Variants in ZNF583 observed in about 807,000 individuals in gnomAD.
ZNF583 encodes the protein zinc finger protein 583, also known as zinc finger protein L3-5.
A neutral mutation model predicts 55.3 loss-of-function variants in ZNF583; 30 were observed. The observed-to-expected ratio is 0.54, with a 90% CI of 0.41 to 0.74. ZNF583 has a LOEUF of 0.74. ZNF583 is among the 30% of genes least tolerant of loss of function. The probability of loss-of-function intolerance (pLI) is 0.00; values close to 1 mark genes in which losing one functional copy is unlikely to be tolerated. For synonymous variants in ZNF583, 208 were observed against 220.0 expected (o/e 0.95, Z 0.48); for missense variants, 504 against 664.7 (o/e 0.76, Z 2.66).
intron 2 of ZNF583, among the ~76,000 whole-genome samples, chr19:56,407,576 T>C (rs2042174728): frequency 6.6e-6 from 1 of 152,148 alleles, no homozygotes; most frequent in Non-Finnish European, 1.5e-5. Flanking sequence ...AAAGTGATCT[T>C]GAGGAGTGAG....
chr19:56,420,719 C>G (rs1381100897), intron 4 of ZNF583, among the ~76,000 whole-genome samples: 1 of 152,056 alleles, frequency 6.6e-6, no homozygotes, highest in African/African-American at 2.4e-5. Context: ...GTTAATCTAG[C>G]CTTATGCTTA....
chr19:56,422,632 A>C (rs1292151141), intron 4 of ZNF583, among the ~76,000 whole-genome samples: 1 of 152,140 alleles, frequency 6.6e-6, no homozygotes, highest in Admixed American at 6.6e-5. Context: ...TCTGTTATTA[A>C]CTTAGATATA....
chr19:56,407,040 G>T lies in ZNF583; in HGVS notation c.-75G>T. 2 of 1,567,856 alleles carry T rather than the reference G, an allele frequency of 1.3e-6. No homozygotes were observed. Among genetic ancestry groups the T allele is most frequent in the South Asian group, 2.3e-5 (2 of 87,558 alleles). Reference sequence around the variant, plus strand: ...TCCTTCTCCAGCTCGACTTTCTCAGGATACTGTCCCTCTCCCACAGAGGAG... The same window carrying T: ...TCCTTCTCCAGCTCGACTTTCTCAGTATACTGTCCCTCTCCCACAGAGGAG... On this transcript the variant is annotated 5_prime_UTR_variant, in exon 2 of 5. Coordinates refer to ENST00000333201, the MANE Select transcript of ZNF583 (RefSeq NM_152478.3).
In ZNF583 at chr19:56,423,018, A is replaced by C; in HGVS notation, c.360A>C (p.Glu120Asp). 4.3e-6 allele frequency: 7 copies of C among 1,614,028 alleles called. No homozygotes were observed. Among genetic ancestry groups the C allele is most frequent in the Non-Finnish European group, 5.9e-6 (7 of 1,179,940 alleles). Residue 120 changes from glutamate (E) to aspartate (D), a missense_variant, in exon 5 of 5, where the codon GAA (glutamate) becomes GAC (aspartate). This residue lies in a region of ZNF583 where 204 missense variants were observed against 235.2 expected (regional missense o/e 0.87). Transcript: ENST00000333201. ...GCCTTGACTATCCCAGTTTGAGAGA[A>C]GACTGTCAAAGTGAGGACTGGTATA... ...SYSLDYPSLREDCQSEDWYKN... is the reference protein window; with the variant it reads ...SYSLDYPSLRDDCQSEDWYKN...
rs140899242 is a variant in ZNF583, at chr19:56,406,819, G to A, written c.-89-207G>A. On this transcript the variant is annotated intron_variant, in intron 1 of 4. Coordinates refer to ENST00000333201, the MANE Select transcript of ZNF583 (RefSeq NM_152478.3). Reference sequence around the variant, plus strand: ...TGGGATTACAGGCGTGAGCCACCGCGCCTGGCCCGTATGTTGTATTCTTAA... The same window carrying A: ...TGGGATTACAGGCGTGAGCCACCGCACCTGGCCCGTATGTTGTATTCTTAA... Among the ~76,000 whole-genome samples, 323 of 152,278 alleles carry A rather than the reference G, an allele frequency of 2.1e-3. 1 individual carries two copies. The highest frequency in any genetic ancestry group is 0.014 in the Middle Eastern group (4 of 292).
chr19:56,414,536 C>A, intron 4 of ZNF583, 96 bp downstream of exon 4: 2 of 1,146,908 alleles, frequency 1.7e-6, no homozygotes, highest in Non-Finnish European at 1.3e-6. Context: ...TCCTGGGTAG[C>A]TCTTCTTAAA....
chr19:56,421,635 C>A, intron 4 of ZNF583: 1 of 357,992 alleles, frequency 2.8e-6, no homozygotes, highest in Non-Finnish European at 3.9e-6. Flanking sequence ...TTCATGCAAG[C>A]ATGTCATTCT....
At chr19:56,414,674 C>A in intron 4 of ZNF583, 1 of 437,222 alleles carries the variant, frequency 2.3e-6, no homozygotes, top group Non-Finnish European at 4.1e-6. Flanking sequence ...ACCCATTTTC[C>A]TATTGTTGGA....
intron 1 of ZNF583, 144 bp from the exon 2 acceptor site, chr19:56,406,882 A>G: frequency 2.0e-6 from 1 of 490,600 alleles, no homozygotes; most frequent in South Asian, 3.8e-5. Context: ...GTAAATTTAG[A>G]TATAAATGAA....
At position 56,404,341 on chromosome 19, in the gene ZNF583, G is replaced by A. The variant is rs1364997084; in HGVS notation, c.-201G>A. ...CCCTGCGGCCTGCCCTAGGGCTGCGGCGCCTTTGTGAGCGCGGCCGCCGGC... is the reference window on the plus strand; with the variant it reads ...CCCTGCGGCCTGCCCTAGGGCTGCGACGCCTTTGTGAGCGCGGCCGCCGGC... On this transcript the variant is annotated 5_prime_UTR_variant, in exon 1 of 5. Coordinates refer to ENST00000333201, the MANE Select transcript of ZNF583 (RefSeq NM_152478.3). This position sits in a 1 kb window ranked among gnomAD's most constrained non-coding sequence, Gnocchi z 5.2. 1 of 152,372 alleles carries A rather than the reference G, an allele frequency of 6.6e-6. No individual in the cohort carries two copies. Among genetic ancestry groups the A allele is most frequent in the South Asian group, 2.1e-4 (1 of 4,846 alleles). The allele number at this position is 152,372 out of a possible 1,614,324, so 9.4% of individuals were successfully genotyped here.
Position 56,427,196 on chromosome 19 carries a change from C to T in ZNF583, c.*2828C>T, listed in dbSNP as rs1007206789. ...AAGCCTTTGTATGTGAAAGTTATGTCAGTAGCCCTTGCCAAAAGCCTCCTC... is the reference window on the plus strand; with the variant it reads ...AAGCCTTTGTATGTGAAAGTTATGTTAGTAGCCCTTGCCAAAAGCCTCCTC... On this transcript the variant is annotated 3_prime_UTR_variant, in exon 5 of 5. Transcript: ENST00000333201. 6.6e-6 allele frequency: 1 copy of T among 152,074 alleles called. No individual in the cohort carries two copies. The highest frequency in any genetic ancestry group is 1.5e-5 in the Non-Finnish European group (1 of 68,030). 9.4% of individuals were successfully genotyped at this position (152,074 alleles called of 1,614,324 possible). A position where few individuals can be genotyped will look rare whatever the true frequency, so the allele number is the denominator to read the frequency against.
At chr19:56,422,679 T>G (rs1490820080) in intron 4 of ZNF583, among the ~76,000 whole-genome samples, 1 of 152,190 alleles carries the variant, frequency 6.6e-6, no homozygotes, top group Non-Finnish European at 1.5e-5. Context: ...CCACCTTCAT[T>G]GTTTTGTTCT....
intron 2 of ZNF583, 80 bp from the exon 3 acceptor site, chr19:56,413,879 T>G (rs1179070401): frequency 3.8e-6 from 6 of 1,587,240 alleles, no homozygotes; most frequent in Middle Eastern, 1.9e-4. Context: ...TCTAAAAGTA[T>G]AGACAATTTA....
chr19:56,406,522 G>A lies in ZNF583; in HGVS notation c.-89-504G>A, dbSNP rs2042150959. ...GGTAACTTAAACACAGAACAGGTAT[G>A]TTGTATTCTTTTTTTTTTTTTTTTT... On this transcript the variant is annotated intron_variant, in intron 1 of 4. Coordinates refer to ENST00000333201, the MANE Select transcript of ZNF583 (RefSeq NM_152478.3). Among the ~76,000 whole-genome samples, 4 of 140,282 alleles carry A rather than the reference G, an allele frequency of 2.9e-5. No homozygotes were observed. The Admixed American group carries it at 3.0e-4, about 10-fold the overall frequency. 92.0% of individuals were successfully genotyped at this position (140,282 alleles called of 152,430 possible).
At chr19:56,414,861 C>CAAAAAAAAAAAAA (rs35096926) in intron 4 of ZNF583, 2 of 64,276 alleles carry the variant, frequency 3.1e-5, no homozygotes, top group Non-Finnish European at 3.4e-5. Context: ...ACTAAAAATA[C>CAAAAAAAAAAAAA]AAAAAAAAAA....
At chr19:56,421,995 T>C (rs2042423090) in intron 4 of ZNF583, among the ~76,000 whole-genome samples, 1 of 151,992 alleles carries the variant, frequency 6.6e-6, no homozygotes, top group Non-Finnish European at 1.5e-5. Context: ...ATCAAGCAGA[T>C]ATCTGTGGAA....
At chr19:56,414,543 T>A (rs2042288689) in intron 4 of ZNF583, 103 bp downstream of exon 4, 1 of 1,027,942 alleles carries the variant, frequency 9.7e-7, no homozygotes, top group Non-Finnish European at 1.4e-6. Context: ...TAGCTCTTCT[T>A]AAAGACTCAA....
At position 56,407,088 on chromosome 19, in the gene ZNF583, C is replaced by T; in HGVS notation, c.-27C>T. On this transcript the variant is annotated 5_prime_UTR_variant, in exon 2 of 5. Coordinates refer to ENST00000333201, the MANE Select transcript of ZNF583 (RefSeq NM_152478.3). ...GAGCTGAAGGAGTAGGACAGAAGAA[C>T]TGTCAAATTCTGGAATCCTTAAAGC... The T allele has an allele frequency of 6.2e-7, 1 of 1,614,038 alleles. No individual in the cohort carries two copies. Among genetic ancestry groups the T allele is most frequent in the Non-Finnish European group, 8.5e-7 (1 of 1,179,922 alleles).
rs553116857 is a variant in ZNF583 at position 56,418,561 on chromosome 19, T to C, written c.232+4121T>C. 1.6e-4 allele frequency among the ~76,000 whole-genome samples: 24 copies of C among 152,340 alleles called. 1 individual carries two copies. In the South Asian group the frequency reaches 5.0e-3, roughly 32 times the overall value. On this transcript the variant is annotated intron_variant, in intron 4 of 4. Coordinates refer to ENST00000333201, the MANE Select transcript of ZNF583 (RefSeq NM_152478.3). Reference sequence around the variant, plus strand: ...TTTTTTTAACAATTCAGTTTTCTAATAGTTTGCCACTAGTAGGCAGAAATG... The same window carrying C: ...TTTTTTTAACAATTCAGTTTTCTAACAGTTTGCCACTAGTAGGCAGAAATG...
Sources: gnomAD v4.1 joint callset for allele counts (sites outside exome capture counted in the v4.1 genomes callset) on GRCh38, gnomAD v4.1.1 for gene constraint, gnomAD v4.1.1 regional missense constraint, Gnocchi (gnomAD v3.1) non-coding constraint, MANE v1.5 for transcripts, NCBI Gene and HGNC (gene_info 2026-07-23, HGNC 2026-07-21) for gene names.